The following ELMO2 variants were observed in gnomAD, a reference collection of about 807,000 sequenced individuals.
ELMO2 encodes the protein engulfment and cell motility protein 2.
In ELMO2, 37 loss-of-function variants were observed where a neutral mutation model predicts 96.2. That is an observed-to-expected ratio of 0.38 (90% CI 0.30 to 0.51). The LOEUF (loss-of-function observed/expected upper bound fraction) is 0.51, where lower values mean the gene tolerates loss of function less well. Ranked by LOEUF, ELMO2 falls within the 20% of genes least tolerant of loss-of-function variation. ELMO2 has a pLI of 0.88. For missense variants in ELMO2, 561 were observed against 912.6 expected (o/e 0.61, Z 4.96); for synonymous variants, 315 against 329.4 (o/e 0.96, Z 0.47).
rs1295466207 is a variant in ELMO2, at chr20:46,367,496, T to C, written c.2027A>G (p.Lys676Arg). ...GCTCAGCAGGGTGTCCAGGTCACTC[T>C]TGGTCAGCTCACTGGACATGTCCTT... ...LGKDMSSELTKSDLDTLLSME... is the reference protein window; with the variant it reads ...LGKDMSSELTRSDLDTLLSME... The change falls in exon 22 of 22, where the codon AAG becomes AGG. Residue 676 changes from lysine to arginine, a missense_variant. Transcript: ENST00000290246. The C allele has an allele frequency of 6.2e-7, 1 of 1,613,786 alleles. No individual in the cohort carries two copies. The highest frequency in any genetic ancestry group is 8.5e-7 in the Non-Finnish European group (1 of 1,179,900).
rs767601980 is a variant in ELMO2 at position 46,371,898 on chromosome 20, C to G, written c.1488G>C (p.Lys496Asn). Reference protein sequence around the residue: ...PSKPNSLDQFKSKLRSLSYSE... With the variant: ...PSKPNSLDQFNSKLRSLSYSE... ...AGTAACTCAGGCTACGCAATTTGCTCTTGAACTGATCCAAAGAGTTGGGTT... is the reference window on the plus strand; with the variant it reads ...AGTAACTCAGGCTACGCAATTTGCTGTTGAACTGATCCAAAGAGTTGGGTT... The change falls in exon 17 of 22, where the codon AAG becomes AAC. Residue 496 changes from lysine (K) to asparagine (N), a missense_variant. Lys to Asn is a moderately conservative substitution (Grantham distance 94). Coordinates refer to ENST00000290246, the MANE Select transcript of ELMO2 (RefSeq NM_133171.5). This position sits in a 1 kb window ranked among gnomAD's most constrained non-coding sequence, Gnocchi z 5.9. 1.2e-6 allele frequency: 2 copies of G among 1,614,210 alleles called. No homozygotes were observed.
chr20:46,389,548 A>C (rs2060114217), intron 6 of ELMO2, among the ~76,000 whole-genome samples: 1 of 152,176 alleles, frequency 6.6e-6, no homozygotes, highest in Admixed American at 6.5e-5. Context: ...TAATAGAGGA[A>C]GGTTTTCTAT....
chr20:46,371,899 T>C lies in ELMO2; in HGVS notation c.1487A>G (p.Lys496Arg), dbSNP rs1292758470. 1 of 1,614,114 alleles carries C rather than the reference T, an allele frequency of 6.2e-7. No homozygotes were observed. The highest frequency in any genetic ancestry group is 1.3e-5 in the African/African-American group (1 of 74,952). The part of the protein sequence containing the change: ...PSKPNSLDQF[K>R]SKLRSLSYSE... ...GTAACTCAGGCTACGCAATTTGCTC[T>C]TGAACTGATCCAAAGAGTTGGGTTT... The change falls in exon 17 of 22, where the codon AAG becomes AGG. Residue 496 changes from lysine (K) to arginine (R), a missense_variant. Transcript: ENST00000290246. This position sits in a 1 kb window ranked among gnomAD's most constrained non-coding sequence, Gnocchi z 5.9.
At chr20:46,387,034 A>T (rs912142864) in intron 8 of ELMO2, among the ~76,000 whole-genome samples, 1 of 152,214 alleles carries the variant, frequency 6.6e-6, no homozygotes, top group Admixed American at 6.5e-5. Context: ...GAAGTCGGTC[A>T]AAAGACTCAG....
At chr20:46,401,526 C>G (rs959531173) in intron 1 of ELMO2, among the ~76,000 whole-genome samples, 1 of 152,136 alleles carries the variant, frequency 6.6e-6, no homozygotes, top group Non-Finnish European at 1.5e-5. Flanking sequence ...TGGCCTGGGT[C>G]TTCTCTTATC....
intron 11 of ELMO2, among the ~76,000 whole-genome samples, chr20:46,377,763 C>T (rs1446423503): frequency 4.6e-5 from 7 of 152,204 alleles, no homozygotes; most frequent in African/African-American, 1.2e-4. Flanking sequence ...GTCTCTTAAG[C>T]GTGAGATCGC....
At position 46,374,410 on chromosome 20, in the gene ELMO2, T is replaced by C; in HGVS notation, c.1201A>G (p.Lys401Glu). ...CTGCGGCCAAAGGGGCATTCATGTT[T>C]GTCTTCCCGGCTACTGTTCTCCAAG... ...IVLENSSRED[K>E]HECPFGRSAI... The change falls in exon 15 of 22, where the codon AAA becomes GAA. Residue 401 changes from lysine to glutamate, a missense_variant. Lys to Glu is a moderately conservative substitution (Grantham distance 56). Coordinates refer to ENST00000290246, the MANE Select transcript of ELMO2 (RefSeq NM_133171.5). The C allele has an allele frequency of 1.9e-6, 3 of 1,614,146 alleles. No homozygotes were observed. The highest frequency in any genetic ancestry group is 2.5e-6 in the Non-Finnish European group (3 of 1,180,026).
intron 15 of ELMO2, among the ~76,000 whole-genome samples, chr20:46,373,952 T>TA (rs2059791585): frequency 1.4e-5 from 2 of 140,478 alleles, no homozygotes; most frequent in East Asian, 2.1e-4. Flanking sequence ...TTTTTTAAGA[T>TA]AGAGTCTCAC....
intron 8 of ELMO2, among the ~76,000 whole-genome samples, chr20:46,386,985 A>T (rs970649173): frequency 5.9e-5 from 9 of 152,068 alleles, no homozygotes; most frequent in African/African-American, 1.7e-4. Context: ...TGAAATGCAA[A>T]TTTTTTTTAT....
At chr20:46,383,606 G>C (rs2059993846) in intron 9 of ELMO2, 112 bp from the exon 10 acceptor site, 1 of 1,052,128 alleles carries the variant, frequency 9.5e-7, no homozygotes, top group East Asian at 2.4e-5. Flanking sequence ...TAATGATCTG[G>C]AGCTCAGTCT....
chr20:46,371,949 C>T lies in ELMO2; in HGVS notation c.1437G>A (p.Glu479=). The change falls in exon 17 of 22, where the codon GAG becomes GAA. Residue 479 remains glutamate (E), a synonymous_variant. Transcript: ENST00000290246. This position sits in a 1 kb window ranked among gnomAD's most constrained non-coding sequence, Gnocchi z 5.9. ...TGGAGGGCAAAGCTCGAGTGATTTGCTCTCGGACGACTTGCATAACCTAAG... is the reference window on the plus strand; with the variant it reads ...TGGAGGGCAAAGCTCGAGTGATTTGTTCTCGGACGACTTGCATAACCTAAG... ...DFNKVMQVVR[E]QITRALPSKP... is the part of the protein sequence containing the mutation. The T allele has an allele frequency of 6.2e-7, 1 of 1,613,982 alleles. No individual in the cohort carries two copies. The highest frequency in any genetic ancestry group is 8.5e-7 in the Non-Finnish European group (1 of 1,180,038).
intron 2 of ELMO2, among the ~76,000 whole-genome samples, chr20:46,394,830 C>T (rs1273483619): frequency 6.6e-6 from 1 of 152,226 alleles, no homozygotes; most frequent in Non-Finnish European, 1.5e-5. Flanking sequence ...AATGTATTTA[C>T]TGCAAATTCC....
intron 20 of ELMO2, chr20:46,370,217 C>A (rs778855203): frequency 3.0e-6 from 2 of 662,046 alleles, no homozygotes; most frequent in East Asian, 5.9e-5. Context: ...TTCTTCAAAG[C>A]GATAAAGGAG....
chr20:46,398,843 A>C (rs897145505), intron 1 of ELMO2, 72 bp from the exon 2 acceptor site: 1 of 152,234 alleles, frequency 6.6e-6, no homozygotes, highest in African/African-American at 2.4e-5. Context: ...CCAACACATC[A>C]GAACTGGGTC....
At chr20:46,399,484 C>T (rs1486056229) in intron 1 of ELMO2, among the ~76,000 whole-genome samples, 1 of 152,220 alleles carries the variant, frequency 6.6e-6, no homozygotes, top group African/African-American at 2.4e-5. Context: ...TTACCTCCTC[C>T]TTGTACTAGT....
chr20:46,388,539 G>A (rs1230859740), intron 7 of ELMO2, among the ~76,000 whole-genome samples: 1 of 152,100 alleles, frequency 6.6e-6, no homozygotes, highest in Non-Finnish European at 1.5e-5. Context: ...CAAAAGTGTG[G>A]CAGGGAGATG....
chr20:46,375,093 A>G lies in ELMO2; in HGVS notation c.1065+143T>C. 2 of 1,163,466 alleles carry G rather than the reference A, an allele frequency of 1.7e-6. No homozygotes were observed. Among genetic ancestry groups the G allele is most frequent in the Non-Finnish European group, 2.4e-6 (2 of 833,832 alleles). 72.1% of individuals were successfully genotyped at this position (1,163,466 alleles called of 1,614,324 possible). A position where few individuals can be genotyped will look rare whatever the true frequency, so the allele number is the denominator to read the frequency against. On this transcript the variant is annotated intron_variant, in intron 13 of 21. Coordinates refer to ENST00000290246, the MANE Select transcript of ELMO2 (RefSeq NM_133171.5). The surrounding 1 kb of genome is among the most constrained non-coding windows in gnomAD (Gnocchi z 4.6). Reference sequence around the variant, plus strand: ...GACTCACCATCAACAAAGCAAAGCAAGCATTAAAGCTCCACCAGCTTCCTA... The same window carrying G: ...GACTCACCATCAACAAAGCAAAGCAGGCATTAAAGCTCCACCAGCTTCCTA...
chr20:46,377,023 G>C (rs972716521), intron 11 of ELMO2: 6 of 323,946 alleles, frequency 1.9e-5, no homozygotes, highest in African/African-American at 4.4e-5. Flanking sequence ...CAATGCTCTA[G>C]AGCGCTCTGA....
chr20:46,401,151 C>T (rs767071528), intron 1 of ELMO2, among the ~76,000 whole-genome samples: 1 of 152,196 alleles, frequency 6.6e-6, no homozygotes, highest in Non-Finnish European at 1.5e-5. Flanking sequence ...GTTGGAGTCA[C>T]GCCCTTTCTA....
Sources: gnomAD v4.1 joint callset for allele counts (sites outside exome capture counted in the v4.1 genomes callset) on GRCh38, gnomAD v4.1.1 for gene constraint, Gnocchi (gnomAD v3.1) non-coding constraint, MANE v1.5 for transcripts, NCBI Gene and HGNC (gene_info 2026-07-23, HGNC 2026-07-21) for gene names.